SYN3: variants seen among roughly 807,000 people sequenced by gnomAD.
SYN3 encodes the protein synapsin III.
In SYN3, 35 loss-of-function variants were observed where a neutral mutation model predicts 65.8. That is an observed-to-expected ratio of 0.53 (90% CI 0.41 to 0.70). The LOEUF is 0.70. Among genes scored for constraint, SYN3 ranks in the 30% least tolerant of loss-of-function variants. SYN3 has a pLI of 0.00. For missense variants in SYN3, 680 were observed against 749.0 expected, an observed-to-expected ratio of 0.91 and a Z score of 1.08; for synonymous variants, 270 against 292.9, an observed-to-expected ratio of 0.92 and a Z score of 0.80.
intron 2 of SYN3, among the ~76,000 whole-genome samples, chr22:32,993,315 G>A (rs2052777927): frequency 6.6e-6 from 1 of 152,082 alleles, no homozygotes; most frequent in Non-Finnish European, 1.5e-5. Flanking sequence ...CTTTGCTTCT[G>A]CAAGCTTCCC....
intron 3 of SYN3, among the ~76,000 whole-genome samples, chr22:32,979,187 C>CAAA (rs35720827): frequency 2.3e-5 from 2 of 88,766 alleles, no homozygotes; most frequent in Non-Finnish European, 2.2e-5. Flanking sequence ...GACTCCATCT[C>CAAA]AAAAAAAAAA....
chr22:32,990,500 C>G (rs955015993), intron 2 of SYN3, among the ~76,000 whole-genome samples: 2 of 152,112 alleles, frequency 1.3e-5, no homozygotes, highest in African/African-American at 4.8e-5. Context: ...ACACATTCGC[C>G]CATCCATCCA....
chr22:32,952,143 A>C (rs1403260826), intron 3 of SYN3, among the ~76,000 whole-genome samples: 2 of 152,174 alleles, frequency 1.3e-5, no homozygotes, highest in African/African-American at 2.4e-5. Flanking sequence ...CTCACCTAGC[A>C]GCCCATTCCA....
chr22:32,744,336 G>A (rs1486186828), intron 6 of SYN3, among the ~76,000 whole-genome samples: 3 of 152,132 alleles, frequency 2.0e-5, no homozygotes, highest in African/African-American at 7.2e-5. Context: ...CCCAGTCCAA[G>A]CTAAATTGTA....
chr22:32,561,506 G>C (rs1047486893), intron 7 of SYN3, among the ~76,000 whole-genome samples: 13 of 152,126 alleles, frequency 8.5e-5, no homozygotes, highest in African/African-American at 3.1e-4. Flanking sequence ...GACTTGGGGG[G>C]TCCTGGCTGG....
At chr22:32,803,527 C>T (rs2046647249) in intron 6 of SYN3, among the ~76,000 whole-genome samples, 1 of 152,128 alleles carries the variant, frequency 6.6e-6, no homozygotes, top group African/African-American at 2.4e-5. Flanking sequence ...TACATCCTCC[C>T]CTCTCCTGGG....
chr22:32,535,610 C>T (rs1209565410), intron 9 of SYN3, among the ~76,000 whole-genome samples: 1 of 152,174 alleles, frequency 6.6e-6, no homozygotes. Flanking sequence ...CAGGTTTCTT[C>T]TCAATGGAAC....
chr22:32,851,114 G>C (rs982235445), intron 6 of SYN3, among the ~76,000 whole-genome samples: 1 of 152,186 alleles, frequency 6.6e-6, no homozygotes, highest in African/African-American at 2.4e-5. Flanking sequence ...AATGGGCAGG[G>C]GTGGGGAACC....
intron 10 of SYN3, among the ~76,000 whole-genome samples, chr22:32,531,205 T>G (rs1569009556): frequency 2.3e-5 from 3 of 129,416 alleles, no homozygotes; most frequent in African/African-American, 3.0e-5. Context: ...TCTAGCAGGG[T>G]CCTGAGCTCT....
At chr22:33,014,639 G>C (rs1371700056) in intron 1 of SYN3, 1 of 152,314 alleles carries the variant, frequency 6.6e-6, no homozygotes, top group Non-Finnish European at 1.5e-5. Context: ...TATTAGCCAG[G>C]CGTGGTGGCA....
intron 7 of SYN3, among the ~76,000 whole-genome samples, chr22:32,570,274 C>T (rs1215039405): frequency 2.6e-5 from 4 of 152,132 alleles, no homozygotes; most frequent in Non-Finnish European, 4.4e-5. Context: ...CGTGGGGTCC[C>T]GCCAGGGGAT....
At chr22:32,626,128 C>T (rs150809336) in intron 6 of SYN3, among the ~76,000 whole-genome samples, 207 of 152,204 alleles carry the variant, frequency 1.4e-3, no homozygotes, top group African/African-American at 4.7e-3. Flanking sequence ...TCCCAGTAGG[C>T]AGAGGGAATG....
In SYN3 at chr22:32,828,333, A is replaced by C. The variant is rs146600930; in HGVS notation, c.711+36582T>G. 5.1e-4 allele frequency among the ~76,000 whole-genome samples: 78 copies of C among 152,330 alleles called. No homozygotes were observed. In the East Asian group the frequency reaches 0.013, roughly 26 times the overall value. On this transcript the variant is annotated intron_variant, in intron 6 of 13. Coordinates refer to ENST00000358763, the MANE Select transcript of SYN3 (RefSeq NM_003490.4). ...TTAGGAGCAGACAGCTTCTTAGGACAACATTCTTTTATGTTGATGTGAAGT... is the reference window on the plus strand; with the variant it reads ...TTAGGAGCAGACAGCTTCTTAGGACCACATTCTTTTATGTTGATGTGAAGT...
At chr22:32,657,991 G>A (rs2060165397) in intron 6 of SYN3, among the ~76,000 whole-genome samples, 1 of 152,216 alleles carries the variant, frequency 6.6e-6, no homozygotes, top group African/African-American at 2.4e-5. Context: ...GCCCTGCAGA[G>A]AGTAAGTGCC....
intron 6 of SYN3, among the ~76,000 whole-genome samples, chr22:32,599,365 A>C (rs2059248543): frequency 6.6e-6 from 1 of 151,038 alleles, no homozygotes; most frequent in African/African-American, 2.4e-5. Context: ...TTTGTCGCTC[A>C]GGCTGGAGTG....
chr22:33,028,718 TTGC>T (rs2053692356), intron 1 of SYN3, among the ~76,000 whole-genome samples: 1 of 127,330 alleles, frequency 7.9e-6, no homozygotes, highest in Non-Finnish European at 1.7e-5. Context: ...GGTGGTGGGG[TTGC>T]TACCATTAAC....
At chr22:32,974,446 T>C (rs1173819755) in intron 3 of SYN3, among the ~76,000 whole-genome samples, 1 of 152,242 alleles carries the variant, frequency 6.6e-6, no homozygotes, top group Non-Finnish European at 1.5e-5. Flanking sequence ...GGTAGATATT[T>C]GTAAAGAGTA....
chr22:32,622,079 C>T (rs768255946), intron 6 of SYN3, among the ~76,000 whole-genome samples: 4 of 151,948 alleles, frequency 2.6e-5, no homozygotes, highest in Non-Finnish European at 4.4e-5. Context: ...ATCTGAACCC[C>T]ACAAAAGGCC....
chr22:33,030,854 G>A (rs1278178927), intron 1 of SYN3, among the ~76,000 whole-genome samples: 1 of 152,008 alleles, frequency 6.6e-6, no homozygotes, highest in Non-Finnish European at 1.5e-5. Flanking sequence ...CGGAGATAGA[G>A]AGACAGAGAT....
Sources: allele counts gnomAD v4.1 joint callset (sites outside exome capture counted in the v4.1 genomes callset), GRCh38; gene constraint gnomAD v4.1.1; transcripts MANE v1.5; gene names NCBI Gene and HGNC (gene_info 2026-07-23, HGNC 2026-07-21).